CNTN1: variants seen among roughly 807,000 people sequenced by gnomAD.
The protein encoded by CNTN1 is contactin 1.
In CNTN1, 38 loss-of-function variants were observed where a neutral mutation model predicts 126.4. That is an observed-to-expected ratio of 0.30 (90% CI 0.23 to 0.39). The LOEUF is 0.39. CNTN1 is among the 10% of genes least tolerant of loss of function. The pLI, the probability that CNTN1 is intolerant of heterozygous loss-of-function variation, is 1.00. For missense variants in CNTN1, 1,009 were observed against 1,248.4 expected (o/e 0.81, Z 2.89); for synonymous variants, 413 against 422.6 (o/e 0.98, Z 0.28).
chr12:40,721,782 A>G (rs967008112), intron 1 of CNTN1, among the ~76,000 whole-genome samples: 2 of 143,716 alleles, frequency 1.4e-5, no homozygotes, highest in African/African-American at 5.2e-5. Flanking sequence ...ATTCCCATCT[A>G]TGAGTGAGAA....
rs535171961 is a variant in CNTN1 at position 40,828,589 on chromosome 12, A to G, written c.-76-79768A>G. ...GGCAGCAGTAGAATGAGCTGAATCA[A>G]TAAGTGGAAATTACCTCCTTGTGGG... On this transcript the variant is annotated intron_variant, in intron 1 of 23. Coordinates refer to ENST00000551295, the MANE Select transcript of CNTN1 (RefSeq NM_001843.4). Among the ~76,000 whole-genome samples, 72 of 152,302 alleles carry G rather than the reference A, an allele frequency of 4.7e-4. 1 individual carries two copies. The highest frequency in any genetic ancestry group is 1.6e-3 in the African/African-American group (66 of 41,586).
chr12:40,760,584 A>G (rs1193892460), intron 1 of CNTN1, among the ~76,000 whole-genome samples: 1 of 152,098 alleles, frequency 6.6e-6, no homozygotes, highest in East Asian at 1.9e-4. Flanking sequence ...TATACCAGTG[A>G]CTGGATACAC....
At chr12:40,914,814 A>AAG (rs1592249262) in intron 3 of CNTN1, among the ~76,000 whole-genome samples, 1 of 152,162 alleles carries the variant, frequency 6.6e-6, no homozygotes, top group Admixed American at 6.6e-5. Context: ...GAGAAGAAAA[A>AAG]GTAGCATAAG....
At chr12:40,869,053 T>A (rs551865714) in intron 1 of CNTN1, among the ~76,000 whole-genome samples, 73 of 151,904 alleles carry the variant, frequency 4.8e-4, no homozygotes, top group South Asian at 3.7e-3. Context: ...TGAAAAAAAA[T>A]TTTATGATTA....
chr12:40,697,912 C>T (rs959248061), intron 1 of CNTN1, among the ~76,000 whole-genome samples: 1 of 152,218 alleles, frequency 6.6e-6, no homozygotes, highest in Non-Finnish European at 1.5e-5. Context: ...CAGAGCAGGG[C>T]ACATTGTTTG....
At chr12:40,980,480 G>C (rs1280622137) in intron 15 of CNTN1, among the ~76,000 whole-genome samples, 1 of 146,646 alleles carries the variant, frequency 6.8e-6, no homozygotes, top group African/African-American at 2.5e-5. Flanking sequence ...AAAGAACAAA[G>C]AGGATGTGTT....
At chr12:40,813,029 T>TTTTTCTTTC (rs1491453705) in intron 1 of CNTN1, among the ~76,000 whole-genome samples, 1 of 113,456 alleles carries the variant, frequency 8.8e-6, no homozygotes, top group Non-Finnish European at 1.8e-5. Flanking sequence ...TCTTTCTTTC[T>TTTTTCTTTC]CTTTCTTTCC....
intron 1 of CNTN1, among the ~76,000 whole-genome samples, chr12:40,860,798 A>G (rs925337362): frequency 3.9e-5 from 6 of 152,208 alleles, no homozygotes; most frequent in Non-Finnish European, 8.8e-5. Flanking sequence ...GAAAGTTATT[A>G]CTTACACATG....
chr12:40,873,732 C>G (rs946661181), intron 1 of CNTN1, among the ~76,000 whole-genome samples: 1 of 152,084 alleles, frequency 6.6e-6, no homozygotes, highest in African/African-American at 2.4e-5. Context: ...TCTGTAAAAA[C>G]CCAAAACATA....
chr12:41,014,728 G>T (rs933416010), intron 18 of CNTN1, among the ~76,000 whole-genome samples: 7 of 152,154 alleles, frequency 4.6e-5, no homozygotes, highest in Non-Finnish European at 1.0e-4. Context: ...GTGTAATCTA[G>T]CATGATAGGT....
intron 1 of CNTN1, among the ~76,000 whole-genome samples, chr12:40,695,552 T>C (rs1941429825): frequency 6.6e-6 from 1 of 152,186 alleles, no homozygotes; most frequent in Non-Finnish European, 1.5e-5. Context: ...CCAATTTCCA[T>C]CTATTTCTAC....
Position 40,783,201 on chromosome 12 carries a change from A to G in CNTN1, c.-77+90609A>G, listed in dbSNP as rs79518437. Among the ~76,000 whole-genome samples, 291 of 148,970 alleles carry G rather than the reference A, an allele frequency of 2.0e-3. 1 individual carries two copies. Among genetic ancestry groups the G allele is most frequent in the African/African-American group, 6.7e-3 (276 of 41,216 alleles). On this transcript the variant is annotated intron_variant, in intron 1 of 23. Transcript: ENST00000551295. The stretch of plus-strand genomic sequence containing the variant: ...AAAGATTGAGTCCTAGCTCCATTAA[A>G]TATATTTATTAAAGATTTTAGAGTG...
chr12:40,830,174 G>C (rs1751695565), intron 1 of CNTN1, among the ~76,000 whole-genome samples: 1 of 152,112 alleles, frequency 6.6e-6, no homozygotes, highest in Non-Finnish European at 1.5e-5. Flanking sequence ...ATAATGTTCA[G>C]ATAAAGAATA....
At chr12:40,752,572 G>A (rs1363295937) in intron 1 of CNTN1, among the ~76,000 whole-genome samples, 2 of 151,994 alleles carry the variant, frequency 1.3e-5, no homozygotes, top group African/African-American at 4.8e-5. Flanking sequence ...TGTGATCCAG[G>A]TGTCAACTTC....
At chr12:40,827,818 C>A (rs1941665329) in intron 1 of CNTN1, among the ~76,000 whole-genome samples, 1 of 151,772 alleles carries the variant, frequency 6.6e-6, no homozygotes, top group Non-Finnish European at 1.5e-5. Flanking sequence ...GATCAATAGC[C>A]CATTACTGGA....
At chr12:41,016,044 TCTAGG>T (rs1948772626) in intron 18 of CNTN1, among the ~76,000 whole-genome samples, 1 of 152,222 alleles carries the variant, frequency 6.6e-6, no homozygotes, top group African/African-American at 2.4e-5. Context: ...AGGTAGATAT[TCTAGG>T]CTAGAGTCTT....
At chr12:40,861,626 T>C (rs1943117838) in intron 1 of CNTN1, among the ~76,000 whole-genome samples, 1 of 152,180 alleles carries the variant, frequency 6.6e-6, no homozygotes, top group Non-Finnish European at 1.5e-5. Flanking sequence ...TCACTCACTC[T>C]ATAATAATCC....
chr12:40,777,580 A>G lies in CNTN1; in HGVS notation c.-77+84988A>G, dbSNP rs962321734. On this transcript the variant is annotated intron_variant, in intron 1 of 23. Transcript: ENST00000551295. ...TTCTGTAATATACATCCTTCTTTTTAAAAAAGTCACAATGTAAATTTTTTA... is the reference window on the plus strand; with the variant it reads ...TTCTGTAATATACATCCTTCTTTTTGAAAAAGTCACAATGTAAATTTTTTA... Among the ~76,000 whole-genome samples the G allele has an allele frequency of 2.6e-5, 4 of 151,808 alleles. No individual in the cohort carries two copies. The East Asian group carries it at 7.7e-4, about 29-fold the overall frequency.
rs113861961 is a variant in CNTN1, at chr12:40,853,785, G to T, written c.-76-54572G>T. On this transcript the variant is annotated intron_variant, in intron 1 of 23. Coordinates refer to ENST00000551295, the MANE Select transcript of CNTN1 (RefSeq NM_001843.4). Reference sequence around the variant, plus strand: ...TCTAGCTCCCTCTCTAGCTCTATCCGTCTCCTTTCCCAAGCCCCTCTGCCC... The same window carrying T: ...TCTAGCTCCCTCTCTAGCTCTATCCTTCTCCTTTCCCAAGCCCCTCTGCCC... 8.5e-3 allele frequency among the ~76,000 whole-genome samples: 1,290 copies of T among 151,476 alleles called. 19 individuals are homozygous for T. The highest frequency in any genetic ancestry group is 0.029 in the African/African-American group (1,205 of 41,290).
Sources: gnomAD v4.1 joint callset for allele counts (sites outside exome capture counted in the v4.1 genomes callset) on GRCh38, gnomAD v4.1.1 for gene constraint, MANE v1.5 for transcripts, NCBI Gene and HGNC (gene_info 2026-07-23, HGNC 2026-07-21) for gene names.